Variants in VWF observed in about 807,000 individuals in gnomAD.
VWF encodes the protein Factor VIII related antigen.
Under a neutral mutation model 308.6 loss-of-function variants are expected in VWF, and 176 were observed. That is an observed-to-expected ratio of 0.57 (90% confidence interval 0.50 to 0.65). The LOEUF (loss-of-function observed/expected upper bound fraction) is 0.65, where lower values mean the gene tolerates loss of function less well. VWF is among the 30% of genes least tolerant of loss of function. The pLI is 0.00. For missense variants in VWF, 3,146 were observed against 3,648.2 expected (o/e 0.86, Z 3.55); for synonymous variants, 1,385 against 1,443.4 (o/e 0.96, Z 0.92).
chr12:6,019,343 C>G lies in VWF; in HGVS notation c.4075G>C (p.Glu1359Gln). The G allele has an allele frequency of 6.2e-7, 1 of 1,613,930 alleles. No homozygotes were observed. The highest frequency in any genetic ancestry group is 1.1e-5 in the South Asian group (1 of 91,070). ...YAGSQVASTS[E>Q]VLKYTLFQIF... Reference sequence around the variant, plus strand: ...TGGAACAGTGTGTATTTCAAGACCTCGCTGGTGGAGGCCACCTGGCTGCCC... The same window carrying G: ...TGGAACAGTGTGTATTTCAAGACCTGGCTGGTGGAGGCCACCTGGCTGCCC... Residue 1359 changes from glutamate to glutamine, a missense_variant, in exon 28 of 52, where the codon GAG becomes CAG. By Grantham distance (29) the Glu-to-Gln change is conservative. Around this residue, in one of 3 missense-constraint regions of VWF, gnomAD observed 853 missense variants for 1,177.8 expected, o/e 0.72. Transcript: ENST00000261405. The surrounding 1 kb of genome is among the most constrained non-coding windows in gnomAD (Gnocchi z 5.8).
chr12:6,081,794 G>A (rs1053929296), intron 6 of VWF, among the ~76,000 whole-genome samples: 2 of 152,138 alleles, frequency 1.3e-5, no homozygotes, highest in East Asian at 1.9e-4. Context: ...GCAGTTTTCC[G>A]AGGCTATGAG....
At position 5,991,921 on chromosome 12, in the gene VWF, G is replaced by A. The variant is rs573735469; in HGVS notation, c.6696C>T (p.Ser2232=). The A allele has an allele frequency of 2.8e-5, 46 of 1,614,206 alleles. No individual in the cohort carries two copies. The highest frequency in any genetic ancestry group is 5.5e-5 in the South Asian group (5 of 91,080). The change falls in exon 38 of 52, where the codon TCC becomes TCT. Residue 2232 remains serine, a synonymous_variant. Coordinates refer to ENST00000261405, the MANE Select transcript of VWF (RefSeq NM_000552.5). ...TATCTGGAGGGCAGAAACAGCCTTC[G>A]GAGGGATGGTCCCCACAGGAGCTCA... ...GNVSSCGDHP[S]EGCFCPPDKV...
chr12:6,022,303 C>G (rs1944137951), intron 26 of VWF, among the ~76,000 whole-genome samples: 1 of 152,140 alleles, frequency 6.6e-6, no homozygotes. Context: ...ATCTCCGGGG[C>G]TCTTTCTGCT....
intron 5 of VWF, among the ~76,000 whole-genome samples, chr12:6,103,056 G>A (rs1037905174): frequency 1.3e-5 from 2 of 152,118 alleles, no homozygotes; most frequent in South Asian, 2.1e-4. Flanking sequence ...GGCCAGGCGT[G>A]GTGGCTCATG....
chr12:5,959,548 A>G (rs905777700), intron 47 of VWF, among the ~76,000 whole-genome samples: 54 of 152,340 alleles, frequency 3.5e-4, no homozygotes, highest in African/African-American at 1.3e-3. Flanking sequence ...CAGAATATTC[A>G]CAAAGACAGA....
rs1334079453 is a variant in VWF at position 6,018,311 on chromosome 12, G to C, written c.5053+54C>G. The C allele has an allele frequency of 7.0e-6, 11 of 1,570,890 alleles. No homozygotes were observed. The East Asian group carries it at 2.5e-4, about 36-fold the overall frequency. On this transcript the variant is annotated intron_variant, in intron 28 of 51. Transcript: ENST00000261405. ...TCTTGGCAGATGCATGTAGCACCAA[G>C]GCCATGCCAGCCCTCGCCCAGCCCT...
chr12:5,986,524 C>T (rs1943682356), intron 38 of VWF, among the ~76,000 whole-genome samples: 1 of 152,186 alleles, frequency 6.6e-6, no homozygotes, highest in African/African-American at 2.4e-5. Flanking sequence ...GTTCCCAGGT[C>T]AAGAAGGTCT....
intron 11 of VWF, 129 bp downstream of exon 11, chr12:6,065,008 G>T: frequency 7.3e-7 from 1 of 1,374,814 alleles, no homozygotes; most frequent in Non-Finnish European, 1.0e-6. Flanking sequence ...GCTAACTGAA[G>T]TCTGGAAGAG....
Position 6,025,036 on chromosome 12 carries a change from A to AG in VWF, c.3222+543_3222+544insC, listed in dbSNP as rs1944175190. ...AGACTCTGTCTCAAAAAAAAAAAAA[A>AG]AAGAGAGAGACAACTGCACTTAACC... On this transcript the variant is annotated intron_variant, in intron 24 of 51. Transcript: ENST00000261405. Among the ~76,000 whole-genome samples, 12 of 143,736 alleles carry AG rather than the reference A, an allele frequency of 8.3e-5. No homozygotes were observed. In the South Asian group the frequency reaches 8.4e-4, roughly 10 times the overall value. The allele number at this position is 143,736 out of a possible 152,430, so 94.3% of individuals were successfully genotyped here. A position where few individuals can be genotyped will look rare whatever the true frequency, so the allele number is the denominator to read the frequency against.
In VWF at chr12:6,013,656, C is replaced by A. The variant is rs1481321525; in HGVS notation, c.5456-11G>T. 5 of 1,612,498 alleles carry A rather than the reference C, an allele frequency of 3.1e-6. No homozygotes were observed. The highest frequency in any genetic ancestry group is 4.2e-6 in the Non-Finnish European group (5 of 1,179,816). On this transcript the variant is annotated splice_polypyrimidine_tract_variant and intron_variant, in intron 31 of 51. Coordinates refer to ENST00000261405, the MANE Select transcript of VWF (RefSeq NM_000552.5). ...GGAACACTGTCACTCCTAGAGTTAGCAAAGAGACAAGAAAGGATCTGTGGG... is the reference window on the plus strand; with the variant it reads ...GGAACACTGTCACTCCTAGAGTTAGAAAAGAGACAAGAAAGGATCTGTGGG...
At chr12:6,087,768 T>A (rs1565384602) in intron 6 of VWF, among the ~76,000 whole-genome samples, 1 of 152,098 alleles carries the variant, frequency 6.6e-6, no homozygotes, top group Non-Finnish European at 1.5e-5. Context: ...AGATATCTGC[T>A]AGATTCTCAA....
intron 6 of VWF, among the ~76,000 whole-genome samples, chr12:6,092,626 T>TGAGAGTGAGAGAGAGAGAGAGA (rs1242670462): frequency 3.7e-4 from 31 of 83,526 alleles, no homozygotes; most frequent in Non-Finnish European, 5.3e-4. Context: ...AGAGTGTGTG[T>TGAGAGTGAGAGAGAGAGAGAGA]GTGTGTGTGT....
At chr12:5,950,374 G>C (rs1943173483) in intron 50 of VWF, among the ~76,000 whole-genome samples, 1 of 152,108 alleles carries the variant, frequency 6.6e-6, no homozygotes, top group African/African-American at 2.4e-5. Context: ...AAGATCCCTA[G>C]GCACCTTTGT....
chr12:6,057,559 A>G, intron 14 of VWF, among the ~76,000 whole-genome samples: 1 of 147,424 alleles, frequency 6.8e-6, no homozygotes, highest in Non-Finnish European at 1.5e-5. Flanking sequence ...TACGTTGCCC[A>G]GACTGGTCTC....
chr12:6,026,325 G>A (rs1413695761), intron 22 of VWF, among the ~76,000 whole-genome samples: 2 of 152,130 alleles, frequency 1.3e-5, no homozygotes, highest in Admixed American at 6.5e-5. Flanking sequence ...GGGCAGAGGT[G>A]GGAATCAGGC....
intron 28 of VWF, 66 bp downstream of exon 28, chr12:6,018,299 A>G (rs577308845): frequency 1.9e-6 from 3 of 1,553,818 alleles, no homozygotes; most frequent in African/African-American, 2.7e-5. Context: ...TGGCAGATGC[A>G]TGTAGCACCA....
chr12:6,093,944 G>T (rs1383803203), intron 6 of VWF, among the ~76,000 whole-genome samples: 1 of 152,192 alleles, frequency 6.6e-6, no homozygotes, highest in Admixed American at 6.6e-5. Flanking sequence ...CTTGTAAGTG[G>T]CAACAGGGCT....
chr12:5,997,597 G>T (rs1046871768), intron 34 of VWF, among the ~76,000 whole-genome samples: 3 of 152,150 alleles, frequency 2.0e-5, no homozygotes, highest in African/African-American at 7.2e-5. Flanking sequence ...ATTCTTGTGA[G>T]AATTAGTTGC....
intron 6 of VWF, among the ~76,000 whole-genome samples, chr12:6,094,879 A>ATTTTTTTTT (rs386375484): frequency 9.5e-6 from 1 of 104,964 alleles, no homozygotes; most frequent in Non-Finnish European, 1.8e-5. Context: ...TGCCCAGCTA[A>ATTTTTTTTT]TTTTTTTTTT....
Sources: gnomAD v4.1 joint callset for allele counts (sites outside exome capture counted in the v4.1 genomes callset) on GRCh38, gnomAD v4.1.1 for gene constraint, gnomAD v4.1.1 regional missense constraint, Gnocchi (gnomAD v3.1) non-coding constraint, MANE v1.5 for transcripts, NCBI Gene and HGNC (gene_info 2026-07-23, HGNC 2026-07-21) for gene names.